Variants in CFAP144 observed in about 807,000 individuals in gnomAD.
CFAP144 encodes the protein cilia and flagella associated protein 144.
At chr1:43,154,402 A>G in the CFAP144 span, among the ~76,000 whole-genome samples, 2 of 85,494 alleles carry the variant, frequency 2.3e-5, no homozygotes, top group Admixed American at 1.3e-4. Flanking sequence ...ACATATATGT[A>G]TACATATATA....
At chr1:43,144,468 C>G in the CFAP144 span, among the ~76,000 whole-genome samples, 7,320 of 152,194 alleles carry the variant, frequency 0.048, 564 homozygotes, top group African/African-American at 0.16. Flanking sequence ...GAATGACAAG[C>G]AAGCTACCTC....
At chr1:43,144,730 C>T in the CFAP144 span, among the ~76,000 whole-genome samples, 1 of 152,132 alleles carries the variant, frequency 6.6e-6, no homozygotes, top group Non-Finnish European at 1.5e-5. Context: ...GCTGCCACCA[C>T]GTTCATCAGG....
At chr1:43,146,833 T>A in the CFAP144 span, among the ~76,000 whole-genome samples, 2 of 152,326 alleles carry the variant, frequency 1.3e-5, no homozygotes, top group South Asian at 4.1e-4. Flanking sequence ...TTCTTTATGC[T>A]AGACCTACTT....
At chr1:43,145,962 A>G in the CFAP144 span, among the ~76,000 whole-genome samples, 1 of 152,254 alleles carries the variant, frequency 6.6e-6, no homozygotes, top group Non-Finnish European at 1.5e-5. Context: ...ACACAGTAGC[A>G]TAGCAGACCA....
chr1:43,152,766 G>A, the CFAP144 span: 1 of 1,496,228 alleles, frequency 6.7e-7, no homozygotes, highest in Non-Finnish European at 9.0e-7. Flanking sequence ...GCAGGAAAGG[G>A]CACAGGACCA....
At chr1:43,144,999 G>A in the CFAP144 span, among the ~76,000 whole-genome samples, 1 of 152,318 alleles carries the variant, frequency 6.6e-6, no homozygotes, top group South Asian at 2.1e-4. Context: ...CCCACCTTCA[G>A]CCTTGGTAAG....
At chr1:43,151,977 C>G in the CFAP144 span, among the ~76,000 whole-genome samples, 1 of 152,160 alleles carries the variant, frequency 6.6e-6, no homozygotes, top group Non-Finnish European at 1.5e-5. Context: ...GCTGCTCGCT[C>G]TCTTATATGA....
chr1:43,148,148 T>G, the CFAP144 span: 1 of 1,529,460 alleles, frequency 6.5e-7, no homozygotes. Flanking sequence ...GGAGGAGCCC[T>G]CCGGGTTGCG....
chr1:43,152,993 G>A, the CFAP144 span: 340 of 1,547,356 alleles, frequency 2.2e-4, 2 homozygotes, highest in South Asian at 3.5e-3. Context: ...AGTGGTGACC[G>A]TAGAATAGAG....
the CFAP144 span, among the ~76,000 whole-genome samples, chr1:43,154,651 T>C: frequency 1.3e-5 from 2 of 152,032 alleles, no homozygotes; most frequent in African/African-American, 4.8e-5. Flanking sequence ...CCAGAAGGAA[T>C]GGTACTGGAA....
At chr1:43,151,704 C>G in the CFAP144 span, among the ~76,000 whole-genome samples, 1 of 152,162 alleles carries the variant, frequency 6.6e-6, no homozygotes, top group Non-Finnish European at 1.5e-5. Flanking sequence ...GAAAGCTTTC[C>G]TTCTTCCCCT....
chr1:43,152,291 C>T, the CFAP144 span, among the ~76,000 whole-genome samples: 1 of 152,162 alleles, frequency 6.6e-6, no homozygotes, highest in Non-Finnish European at 1.5e-5. Flanking sequence ...CAACCTTGCT[C>T]CTCACTCTCT....
At chr1:43,152,873 A>G in the CFAP144 span, 1 of 1,613,514 alleles carries the variant, frequency 6.2e-7, no homozygotes, top group Non-Finnish European at 8.5e-7. Context: ...GGACCAAGGA[A>G]GAAGTACCCA....
the CFAP144 span, among the ~76,000 whole-genome samples, chr1:43,143,991 A>G: frequency 6.6e-6 from 1 of 152,196 alleles, no homozygotes; most frequent in African/African-American, 2.4e-5. Flanking sequence ...GACATCTTTA[A>G]TCACACATAT....
the CFAP144 span, among the ~76,000 whole-genome samples, chr1:43,154,062 G>GTGTATA: frequency 1.1e-3 from 92 of 83,644 alleles, no homozygotes; most frequent in Admixed American, 5.1e-3. Context: ...ATATGTGTGT[G>GTGTATA]TATATATATA....
At chr1:43,152,830 A>C in the CFAP144 span, 17 of 1,608,664 alleles carry the variant, frequency 1.1e-5, no homozygotes, top group East Asian at 1.8e-4. Flanking sequence ...TCTCCCAGCC[A>C]GGTTTCTGAA....
the CFAP144 span, among the ~76,000 whole-genome samples, chr1:43,150,218 G>A: frequency 1.3e-5 from 2 of 152,224 alleles, no homozygotes; most frequent in East Asian, 1.9e-4. Flanking sequence ...GGGGACACAA[G>A]AGCCAGCTCT....
chr1:43,150,566 G>A, the CFAP144 span, among the ~76,000 whole-genome samples: 52 of 152,170 alleles, frequency 3.4e-4, no homozygotes, highest in Non-Finnish European at 4.6e-4. Context: ...ACCATTCTGG[G>A]CAGTGCCACT....
At chr1:43,143,958 C>T in the CFAP144 span, among the ~76,000 whole-genome samples, 1 of 152,336 alleles carries the variant, frequency 6.6e-6, no homozygotes, top group East Asian at 1.9e-4. Flanking sequence ...TGGTCTTCAC[C>T]GTCCTCATGG....
Sources: gnomAD v4.1 joint callset for allele counts (sites outside exome capture counted in the v4.1 genomes callset) on GRCh38, gnomAD v4.1.1 for gene constraint, MANE v1.5 for transcripts, NCBI Gene and HGNC (gene_info 2026-07-23, HGNC 2026-07-21) for gene names.